SOCS5: variants seen among roughly 807,000 people sequenced by gnomAD.
The protein encoded by SOCS5 is CIS-6.
A neutral mutation model predicts 42.8 loss-of-function variants in SOCS5; 32 were observed. The ratio of observed to expected loss-of-function variants is 0.75; its 90% confidence interval spans 0.56 to 1.01. The LOEUF is 1.01. SOCS5 is among the 50% of genes least tolerant of loss of function. The probability of loss-of-function intolerance (pLI) is 0.00; values close to 1 mark genes in which losing one functional copy is unlikely to be tolerated. For missense variants in SOCS5, 627 were observed against 653.0 expected (o/e 0.96, Z 0.43); for synonymous variants, 283 against 229.6 (o/e 1.23, Z -2.10).
intron 1 of SOCS5, among the ~76,000 whole-genome samples, chr2:46,740,746 C>T (rs2103740406): frequency 6.6e-6 from 1 of 152,040 alleles, no homozygotes; most frequent in East Asian, 1.9e-4. Flanking sequence ...GCCTACTGCT[C>T]CTCTTGCTGC....
intron 1 of SOCS5, among the ~76,000 whole-genome samples, chr2:46,741,918 G>A (rs1207398924): frequency 6.6e-6 from 1 of 152,158 alleles, no homozygotes; most frequent in Non-Finnish European, 1.5e-5. Context: ...GGAAGCCTTA[G>A]ATAGAAAGAT....
At chr2:46,714,004 A>G (rs1388356244) in intron 1 of SOCS5, among the ~76,000 whole-genome samples, 1 of 152,168 alleles carries the variant, frequency 6.6e-6, no homozygotes, top group African/African-American at 2.4e-5. Context: ...TGGTGATCAG[A>G]GAACATACAT....
intron 1 of SOCS5, among the ~76,000 whole-genome samples, chr2:46,708,210 T>A (rs1274790728): frequency 1.3e-5 from 2 of 152,190 alleles, no homozygotes; most frequent in Non-Finnish European, 2.9e-5. Flanking sequence ...GTAGTGGGGT[T>A]GGAAACAAGA....
intron 1 of SOCS5, among the ~76,000 whole-genome samples, chr2:46,735,143 A>G (rs903005128): frequency 2.0e-5 from 3 of 152,200 alleles, no homozygotes; most frequent in African/African-American, 7.2e-5. Flanking sequence ...AGGATGGCCT[A>G]AAAATGAGAA....
At chr2:46,710,140 T>C (rs1672583782) in intron 1 of SOCS5, among the ~76,000 whole-genome samples, 1 of 150,434 alleles carries the variant, frequency 6.6e-6, no homozygotes, top group African/African-American at 2.5e-5. Context: ...TTGTTTTCCT[T>C]TATTTTATTT....
Position 46,759,286 on chromosome 2 carries a change from A to G in SOCS5, c.756A>G (p.Pro252=). The G allele has an allele frequency of 3.1e-6, 5 of 1,614,046 alleles. No individual in the cohort carries two copies. Among genetic ancestry groups the G allele is most frequent in the East Asian group, 2.2e-5 (1 of 44,884 alleles). ...PHSTFFDTFD[P]SLVSTEDEED... is the part of the protein sequence containing the mutation. ...CAACATTTTTTGATACATTTGATCCATCTTTGGTTTCTACAGAAGATGAAG... is the reference window on the plus strand; with the variant it reads ...CAACATTTTTTGATACATTTGATCCGTCTTTGGTTTCTACAGAAGATGAAG... The change falls in exon 2 of 2, where the codon CCA becomes CCG. Residue 252 remains proline (P), a synonymous_variant. Coordinates refer to ENST00000394861, the MANE Select transcript of SOCS5 (RefSeq NM_144949.3).
In SOCS5 at chr2:46,758,627, A is replaced by T. The variant is rs771883461; in HGVS notation, c.97A>T (p.Asn33Tyr). 5.0e-6 allele frequency: 8 copies of T among 1,614,020 alleles called. No individual in the cohort carries two copies. The highest frequency in any genetic ancestry group is 6.8e-6 in the Non-Finnish European group (8 of 1,179,880). Reference sequence around the variant, plus strand: ...AAGCCGTAGTGAAAATGTGGACATGAACTCCAACAGATGTTTGTCTGTCAA... The same window carrying T: ...AAGCCGTAGTGAAAATGTGGACATGTACTCCAACAGATGTTTGTCTGTCAA... ...GGSRSENVDM[N>Y]SNRCLSVKEK... Residue 33 changes from asparagine (N) to tyrosine (Y), a missense_variant, in exon 2 of 2, where the codon AAC becomes TAC. Physicochemically the swap from Asn to Tyr is moderately radical, Grantham distance 143. Coordinates refer to ENST00000394861, the MANE Select transcript of SOCS5 (RefSeq NM_144949.3).
intron 1 of SOCS5, among the ~76,000 whole-genome samples, chr2:46,708,883 T>C (rs1672553384): frequency 2.0e-4 from 4 of 19,828 alleles, no homozygotes; most frequent in Admixed American, 7.9e-4. Context: ...CTGAAGCCTT[T>C]TTTTTTTTTT....
chr2:46,724,584 A>G (rs2103717204), intron 1 of SOCS5, among the ~76,000 whole-genome samples: 1 of 151,990 alleles, frequency 6.6e-6, no homozygotes. Flanking sequence ...TTTCCTTTTC[A>G]GTTCGAGATA....
intron 1 of SOCS5, among the ~76,000 whole-genome samples, chr2:46,749,141 GTTA>G (rs1673570140): frequency 6.6e-6 from 1 of 152,182 alleles, no homozygotes; most frequent in African/African-American, 2.4e-5. Flanking sequence ...TGAGTAAAAT[GTTA>G]TTTACTTTAC....
intron 1 of SOCS5, among the ~76,000 whole-genome samples, chr2:46,737,701 G>A (rs1191617200): frequency 2.6e-5 from 4 of 152,092 alleles, no homozygotes; most frequent in South Asian, 2.1e-4. Context: ...TTTCACAGAC[G>A]CTTTCCCATT....
chr2:46,743,198 C>A (rs1673417452), intron 1 of SOCS5, among the ~76,000 whole-genome samples: 1 of 152,170 alleles, frequency 6.6e-6, no homozygotes, highest in Admixed American at 6.5e-5. Context: ...CCGATCCAGA[C>A]CCCCAAGAGA....
At chr2:46,713,563 C>T (rs1672675697) in intron 1 of SOCS5, among the ~76,000 whole-genome samples, 1 of 152,008 alleles carries the variant, frequency 6.6e-6, no homozygotes, top group Non-Finnish European at 1.5e-5. Context: ...CTTGATTAAT[C>T]TAACTTGAGA....
intron 1 of SOCS5, among the ~76,000 whole-genome samples, chr2:46,703,349 TCA>T (rs1188464278): frequency 2.8e-5 from 4 of 144,118 alleles, no homozygotes; most frequent in Non-Finnish European, 3.0e-5. Context: ...TCACAAGTTT[TCA>T]CAGTTTTTTT....
intron 1 of SOCS5, among the ~76,000 whole-genome samples, chr2:46,737,524 G>C (rs956053550): frequency 3.3e-5 from 5 of 152,108 alleles, no homozygotes; most frequent in African/African-American, 7.2e-5. Flanking sequence ...TTGGATGCTT[G>C]GTTGCTAATA....
intron 1 of SOCS5, among the ~76,000 whole-genome samples, chr2:46,730,620 A>G (rs1673094732): frequency 6.6e-6 from 1 of 152,186 alleles, no homozygotes; most frequent in Non-Finnish European, 1.5e-5. Context: ...AATGGCCCAT[A>G]TTTGGAGAAT....
At chr2:46,714,701 A>C (rs1177609122) in intron 1 of SOCS5, among the ~76,000 whole-genome samples, 1 of 152,216 alleles carries the variant, frequency 6.6e-6, no homozygotes, top group Non-Finnish European at 1.5e-5. Flanking sequence ...CCATGCCCCC[A>C]TGCCAACCAG....
At chr2:46,747,264 A>G (rs1428085653) in intron 1 of SOCS5, among the ~76,000 whole-genome samples, 5 of 152,110 alleles carry the variant, frequency 3.3e-5, no homozygotes, top group Admixed American at 3.3e-4. Context: ...TCTGTTGGTC[A>G]GGCTGGAGTG....
chr2:46,704,109 T>G (rs764419310), intron 1 of SOCS5, among the ~76,000 whole-genome samples: 2 of 152,222 alleles, frequency 1.3e-5, no homozygotes, highest in Non-Finnish European at 2.9e-5. Flanking sequence ...TACCTTACTC[T>G]GATGAGCTTT....
Sources: gnomAD v4.1 joint callset for allele counts (sites outside exome capture counted in the v4.1 genomes callset) on GRCh38, gnomAD v4.1.1 for gene constraint, MANE v1.5 for transcripts, NCBI Gene and HGNC (gene_info 2026-07-23, HGNC 2026-07-21) for gene names.